Variants in NALF1 observed in about 807,000 individuals in gnomAD.
The protein encoded by NALF1 is NALCN channel auxiliary factor 1.
A neutral mutation model predicts 48.4 loss-of-function variants in NALF1; 3 were observed. The observed-to-expected ratio is 0.06, with a 90% CI of 0.03 to 0.16. The LOEUF (loss-of-function observed/expected upper bound fraction) is 0.16, where lower values mean the gene tolerates loss of function less well. NALF1 is among the 10% of genes least tolerant of loss of function. The pLI is 1.00. For synonymous variants in NALF1, 262 were observed against 245.7 expected (o/e 1.07, Z -0.62); for missense variants, 526 against 571.5 (o/e 0.92, Z 0.81).
chr13:107,358,321 T>A (rs1218241426), intron 1 of NALF1, among the ~76,000 whole-genome samples: 1 of 152,160 alleles, frequency 6.6e-6, no homozygotes, highest in Non-Finnish European at 1.5e-5. Context: ...AGCCTTAGGC[T>A]CTGCAGTTGC....
chr13:107,279,010 T>C (rs1881333857), intron 1 of NALF1, among the ~76,000 whole-genome samples: 1 of 151,558 alleles, frequency 6.6e-6, no homozygotes, highest in Non-Finnish European at 1.5e-5. Context: ...GTCTATTCAT[T>C]CATTCAGGTC....
intron 1 of NALF1, among the ~76,000 whole-genome samples, chr13:107,812,363 A>G (rs1879021158): frequency 6.6e-6 from 1 of 152,144 alleles, no homozygotes. Flanking sequence ...CCACTATAAT[A>G]TTCTAAAACA....
intron 1 of NALF1, among the ~76,000 whole-genome samples, chr13:107,602,827 A>G (rs1878966378): frequency 1.3e-5 from 2 of 152,232 alleles, no homozygotes; most frequent in African/African-American, 4.8e-5. Flanking sequence ...AGCATAAACA[A>G]AGACACAGAA....
At chr13:107,800,802 A>G (rs954322938) in intron 1 of NALF1, among the ~76,000 whole-genome samples, 6 of 149,954 alleles carry the variant, frequency 4.0e-5, no homozygotes, top group Non-Finnish European at 8.9e-5. Flanking sequence ...AGTACAGGTA[A>G]TTTCTAAGTT....
intron 1 of NALF1, among the ~76,000 whole-genome samples, chr13:107,599,976 T>C (rs1878877319): frequency 6.6e-6 from 1 of 152,224 alleles, no homozygotes; most frequent in Non-Finnish European, 1.5e-5. Flanking sequence ...TATAATGTTA[T>C]TATTACTTGA....
At chr13:107,574,132 G>A (rs1878068396) in intron 1 of NALF1, among the ~76,000 whole-genome samples, 1 of 152,090 alleles carries the variant, frequency 6.6e-6, no homozygotes, top group Non-Finnish European at 1.5e-5. Context: ...TATATGACAT[G>A]CCTACTTCTG....
intron 1 of NALF1, among the ~76,000 whole-genome samples, chr13:107,760,312 TA>T (rs5806685): frequency 0.43 from 64,894 of 151,866 alleles, 14,737 homozygotes; most frequent in East Asian, 0.76. Flanking sequence ...GAGAAGATTT[TA>T]AAAATCAACA....
chr13:107,662,695 C>T (rs1254887528), intron 1 of NALF1, among the ~76,000 whole-genome samples: 1 of 151,924 alleles, frequency 6.6e-6, no homozygotes, highest in African/African-American at 2.4e-5. Flanking sequence ...ATTCAAAAAA[C>T]AAAAAATGTT....
intron 1 of NALF1, among the ~76,000 whole-genome samples, chr13:107,276,460 T>C (rs1257488485): frequency 1.3e-5 from 2 of 152,272 alleles, no homozygotes; most frequent in East Asian, 1.9e-4. Context: ...GAATCTAGCA[T>C]ATACTCAGCT....
intron 1 of NALF1, among the ~76,000 whole-genome samples, chr13:107,838,348 T>G (rs1879958292): frequency 6.6e-6 from 1 of 152,234 alleles, no homozygotes; most frequent in Non-Finnish European, 1.5e-5. Flanking sequence ...TGCACCGCTA[T>G]GCATTCCTTT....
intron 1 of NALF1, among the ~76,000 whole-genome samples, chr13:107,742,822 C>G (rs558948273): frequency 6.6e-6 from 1 of 152,326 alleles, no homozygotes; most frequent in South Asian, 2.1e-4. Flanking sequence ...AGCAGAGGGT[C>G]TGGCACCCAA....
intron 1 of NALF1, among the ~76,000 whole-genome samples, chr13:107,464,048 T>C (rs1884960525): frequency 6.6e-6 from 1 of 152,158 alleles, no homozygotes; most frequent in Admixed American, 6.5e-5. Flanking sequence ...AGAATGTCTT[T>C]CCAGGTTCCA....
chr13:107,456,676 G>A (rs1445143055), intron 1 of NALF1, among the ~76,000 whole-genome samples: 1 of 152,236 alleles, frequency 6.6e-6, no homozygotes, highest in Middle Eastern at 3.4e-3. Flanking sequence ...TTTCTTATCA[G>A]TTTTATTTTA....
At chr13:107,580,474 G>T (rs969015418) in intron 1 of NALF1, among the ~76,000 whole-genome samples, 2 of 152,088 alleles carry the variant, frequency 1.3e-5, no homozygotes, top group African/African-American at 4.8e-5. Context: ...CTCTCCCACA[G>T]GTCTGCTCCA....
intron 1 of NALF1, among the ~76,000 whole-genome samples, chr13:107,446,841 A>G (rs999208186): frequency 1.3e-5 from 2 of 152,212 alleles, no homozygotes; most frequent in African/African-American, 4.8e-5. Context: ...AGAGTAAGTC[A>G]TTTGTGCTGA....
At chr13:107,250,793 G>C (rs1246030314) in intron 1 of NALF1, among the ~76,000 whole-genome samples, 1 of 152,096 alleles carries the variant, frequency 6.6e-6, no homozygotes, top group Non-Finnish European at 1.5e-5. Flanking sequence ...GGAAGTGATT[G>C]GATCATGGGG....
chr13:107,788,071 T>C (rs1265346935), intron 1 of NALF1, among the ~76,000 whole-genome samples: 2 of 152,186 alleles, frequency 1.3e-5, no homozygotes, highest in Non-Finnish European at 2.9e-5. Context: ...ATCTAGACAT[T>C]TGGGTCAGTC....
chr13:107,291,062 T>G (rs1335420388), intron 1 of NALF1, among the ~76,000 whole-genome samples: 3 of 151,386 alleles, frequency 2.0e-5, no homozygotes, highest in Non-Finnish European at 2.9e-5. Flanking sequence ...ACATTGTACC[T>G]CTATCATTTC....
At chr13:107,813,416 G>A (rs191976929) in intron 1 of NALF1, among the ~76,000 whole-genome samples, 47 of 152,230 alleles carry the variant, frequency 3.1e-4, no homozygotes, top group African/African-American at 1.1e-3. Flanking sequence ...AATTCCTCCT[G>A]TAACATTAAT....
Sources: allele counts gnomAD v4.1 joint callset (sites outside exome capture counted in the v4.1 genomes callset), GRCh38; gene constraint gnomAD v4.1.1; transcripts MANE v1.5; gene names NCBI Gene and HGNC (gene_info 2026-07-23, HGNC 2026-07-21).